SPACA7: variants seen among roughly 807,000 people sequenced by gnomAD.
SPACA7 encodes sperm acrosome associated 7.
In SPACA7, 19 loss-of-function variants were observed where a neutral mutation model predicts 26.3. That is an observed-to-expected ratio of 0.72 (90% CI 0.50 to 1.06). The LOEUF (loss-of-function observed/expected upper bound fraction) is 1.06, where lower values mean the gene tolerates loss of function less well. Among genes scored for constraint, SPACA7 ranks in the 50% least tolerant of loss-of-function variants. The probability of loss-of-function intolerance (pLI) is 0.00; values close to 1 mark genes in which losing one functional copy is unlikely to be tolerated. For missense variants in SPACA7, 211 were observed against 229.9 expected (o/e 0.92, Z 0.53); for synonymous variants, 84 against 84.5 (o/e 0.99, Z 0.04).
intron 5 of SPACA7, among the ~76,000 whole-genome samples, chr13:112,429,673 C>T (rs1016370184): frequency 1.3e-5 from 2 of 152,172 alleles, no homozygotes; most frequent in African/African-American, 4.8e-5. Flanking sequence ...ATTCTACTCT[C>T]ATGTCATTTC....
At chr13:112,424,798 GC>G (rs1356611698) in intron 5 of SPACA7, among the ~76,000 whole-genome samples, 2 of 152,096 alleles carry the variant, frequency 1.3e-5, no homozygotes, top group African/African-American at 2.4e-5. Context: ...GGTCTCCTGG[GC>G]TGAGAGCTGT....
Position 112,399,040 on chromosome 13 carries a change from A to G in SPACA7, c.242-26A>G, listed in dbSNP as rs1566467750. The G allele has an allele frequency of 4.8e-6, 7 of 1,466,024 alleles. No homozygotes were observed. The South Asian group carries it at 8.1e-5, about 17-fold the overall frequency. 90.8% of individuals were successfully genotyped at this position (1,466,024 alleles called of 1,614,324 possible). Reference sequence around the variant, plus strand: ...TGTGTAATCAAGAAAACTTTTCCCCATTTTTTTCCATGTTCTTCATTGAAG... The same window carrying G: ...TGTGTAATCAAGAAAACTTTTCCCCGTTTTTTTCCATGTTCTTCATTGAAG... On this transcript the variant is annotated intron_variant, in intron 3 of 6. Coordinates refer to ENST00000283550, the MANE Select transcript of SPACA7 (RefSeq NM_145248.5).
intron 5 of SPACA7, among the ~76,000 whole-genome samples, chr13:112,404,583 G>T (rs1452482698): frequency 2.0e-5 from 3 of 152,148 alleles, no homozygotes; most frequent in Non-Finnish European, 4.4e-5. Flanking sequence ...ATCTTGAGTT[G>T]ATTTTTGTAT....
At chr13:112,415,813 G>C (rs557705507) in intron 5 of SPACA7, among the ~76,000 whole-genome samples, 1 of 152,156 alleles carries the variant, frequency 6.6e-6, no homozygotes, top group Non-Finnish European at 1.5e-5. Flanking sequence ...GTAATCAGCA[G>C]TGAAGCAGGG....
chr13:112,378,763 C>T (rs747583316), intron 1 of SPACA7: 32 of 471,060 alleles, frequency 6.8e-5, no homozygotes, highest in Non-Finnish European at 1.4e-4. Flanking sequence ...AAATCAACCT[C>T]AGTTTTTAAA....
chr13:112,376,786 T>TAC (rs111796918), intron 1 of SPACA7, among the ~76,000 whole-genome samples: 16,863 of 151,842 alleles, frequency 0.11, 1,221 homozygotes, highest in East Asian at 0.3. Flanking sequence ...TGTTTTTTTC[T>TAC]ACACACACAC....
chr13:112,394,964 A>C (rs1000954606), intron 2 of SPACA7, among the ~76,000 whole-genome samples: 2 of 152,212 alleles, frequency 1.3e-5, no homozygotes, highest in Non-Finnish European at 2.9e-5. Flanking sequence ...GAAAGCTGAA[A>C]GCATTGACAG....
chr13:112,392,846 C>T (rs1884981728), intron 1 of SPACA7, among the ~76,000 whole-genome samples, 175 bp from the exon 2 acceptor site: 1 of 152,170 alleles, frequency 6.6e-6, no homozygotes, highest in African/African-American at 2.4e-5. Flanking sequence ...AAGCCAAGTC[C>T]CAGAGAACTT....
chr13:112,426,648 ATAT>A (rs1405169308), intron 5 of SPACA7, among the ~76,000 whole-genome samples: 1 of 152,214 alleles, frequency 6.6e-6, no homozygotes, highest in Non-Finnish European at 1.5e-5. Flanking sequence ...GTAGTTACTG[ATAT>A]TATTATAAAT....
intron 5 of SPACA7, among the ~76,000 whole-genome samples, chr13:112,421,273 C>G (rs1875954213): frequency 6.9e-6 from 1 of 144,542 alleles, no homozygotes; most frequent in Non-Finnish European, 1.5e-5. Flanking sequence ...AGGAGGGCAA[C>G]TGGAGGTATG....
intron 5 of SPACA7, among the ~76,000 whole-genome samples, chr13:112,403,221 A>G (rs1244777492): frequency 6.6e-6 from 1 of 152,180 alleles, no homozygotes; most frequent in Non-Finnish European, 1.5e-5. Flanking sequence ...ATATTTCCCT[A>G]GGAAGTTATC....
intron 5 of SPACA7, among the ~76,000 whole-genome samples, chr13:112,417,576 ACTC>A (rs954824227): frequency 6.6e-5 from 10 of 152,060 alleles, no homozygotes; most frequent in African/African-American, 2.4e-4. Context: ...AAAGGAGCCT[ACTC>A]CTTATTTTTT....
At chr13:112,398,208 G>A in intron 3 of SPACA7, 70 bp downstream of exon 3, 1 of 1,152,820 alleles carries the variant, frequency 8.7e-7, no homozygotes, top group South Asian at 1.2e-5. Flanking sequence ...TCTGTGGTAT[G>A]GAATACGTGA....
At chr13:112,412,239 C>G (rs1886397700) in intron 5 of SPACA7, among the ~76,000 whole-genome samples, 1 of 152,078 alleles carries the variant, frequency 6.6e-6, no homozygotes, top group South Asian at 2.1e-4. Context: ...TGTATGGCTT[C>G]TTTTGAGAAT....
At chr13:112,406,402 C>G (rs910960515) in intron 5 of SPACA7, among the ~76,000 whole-genome samples, 1 of 152,152 alleles carries the variant, frequency 6.6e-6, no homozygotes, top group Non-Finnish European at 1.5e-5. Flanking sequence ...CAAGGTTCAT[C>G]CCTGTCTTAG....
At chr13:112,410,163 C>A (rs1886254281) in intron 5 of SPACA7, among the ~76,000 whole-genome samples, 1 of 151,806 alleles carries the variant, frequency 6.6e-6, no homozygotes, top group South Asian at 2.1e-4. Context: ...GGGAATTGAA[C>A]AATGAGAACA....
intron 1 of SPACA7, among the ~76,000 whole-genome samples, chr13:112,381,145 A>C (rs1884033671): frequency 6.6e-6 from 1 of 152,184 alleles, no homozygotes; most frequent in Non-Finnish European, 1.5e-5. Flanking sequence ...TTAACTGATC[A>C]TGACGCCAGG....
At chr13:112,378,696 A>C (rs76491939) in intron 1 of SPACA7, 38,722 of 470,988 alleles carry the variant, frequency 0.082, 1,854 homozygotes, top group Non-Finnish European at 0.09. Flanking sequence ...TTCTTCACTC[A>C]CCTGTGGGAT....
At position 112,376,467 on chromosome 13, in the gene SPACA7, A is replaced by AC. The variant is rs758116497; in HGVS notation, c.84dup (p.Val29ArgfsTer8). The AC allele has an allele frequency of 1.2e-6, 2 of 1,613,216 alleles. No individual in the cohort carries two copies. Among genetic ancestry groups the AC allele is most frequent in the Non-Finnish European group, 1.7e-6 (2 of 1,179,646 alleles). Reference sequence around the variant, plus strand: ...GCAAGAAACTGAGCTCCGGCCGAGAACCGTGATTCCAGGTAGGGCCCCACA... The same window carrying AC: ...GCAAGAAACTGAGCTCCGGCCGAGAACCCGTGATTCCAGGTAGGGCCCCACA... On this transcript the variant is annotated frameshift_variant, in exon 1 of 7. Coordinates refer to ENST00000283550, the MANE Select transcript of SPACA7 (RefSeq NM_145248.5). LOFTEE classifies it high-confidence loss of function.
Sources: allele counts gnomAD v4.1 joint callset (sites outside exome capture counted in the v4.1 genomes callset), GRCh38; gene constraint gnomAD v4.1.1; transcripts MANE v1.5; gene names NCBI Gene and HGNC (gene_info 2026-07-23, HGNC 2026-07-21).